The following RGS7 variants were observed in gnomAD, a reference collection of about 807,000 sequenced individuals.
RGS7 encodes regulator of G protein signaling 7, also known as regulator of G-protein signaling 7.
A neutral mutation model predicts 81.1 loss-of-function variants in RGS7; 27 were observed. The observed-to-expected ratio is 0.33, with a 90% CI of 0.25 to 0.46. The LOEUF is 0.46. RGS7 is among the 20% of genes least tolerant of loss of function. The probability of loss-of-function intolerance (pLI) is 1.00; values close to 1 mark genes in which losing one functional copy is unlikely to be tolerated. For missense variants in RGS7, 396 were observed against 607.4 expected, an observed-to-expected ratio of 0.65 and a Z score of 3.66; for synonymous variants, 208 against 207.7, an observed-to-expected ratio of 1.00 and a Z score of -0.01.
Position 241,217,811 on chromosome 1 carries a change from C to A in RGS7, c.79-119049G>T, listed in dbSNP as rs925600673. ...ATCAGGCCATTCAAGAGCATTTAAA[C>A]TTGGCACAAGAGGGTAGCACTGAAA... On this transcript the variant is annotated intron_variant, in intron 2 of 18. Transcript: ENST00000440928. Among the ~76,000 whole-genome samples, 3 of 152,234 alleles carry A rather than the reference C, an allele frequency of 2.0e-5. 1 individual carries two copies. In the South Asian group the frequency reaches 6.2e-4, roughly 31 times the overall value.
Position 241,245,256 on chromosome 1 carries a change from T to C in RGS7, c.78+110443A>G, listed in dbSNP as rs184214154. On this transcript the variant is annotated intron_variant, in intron 2 of 18. Coordinates refer to ENST00000440928, the MANE Select transcript of RGS7 (RefSeq NM_001364886.1). ...GAGGTGATTGGATCATGAGGATGCT[T>C]TCTTATGGTTTCGCACTATCCCCCT... Among the ~76,000 whole-genome samples the C allele has an allele frequency of 2.6e-4, 40 of 152,024 alleles. No homozygotes were observed. The East Asian group carries it at 6.6e-3, about 25-fold the overall frequency.
intron 9 of RGS7, among the ~76,000 whole-genome samples, chr1:240,839,802 C>G (rs182824667): frequency 6.6e-6 from 1 of 152,074 alleles, no homozygotes. Context: ...ATAAAGTGTC[C>G]AAGCCAGAAC....
At chr1:240,902,881 A>G (rs1288371736) in intron 6 of RGS7, among the ~76,000 whole-genome samples, 1 of 152,216 alleles carries the variant, frequency 6.6e-6, no homozygotes, top group East Asian at 1.9e-4. Context: ...AAGAATATGT[A>G]TATGTGTTTA....
At chr1:240,905,238 G>C (rs1413977955) in intron 6 of RGS7, among the ~76,000 whole-genome samples, 1 of 152,096 alleles carries the variant, frequency 6.6e-6, no homozygotes, top group East Asian at 1.9e-4. Context: ...CATGAATCCA[G>C]CAATAACTAA....
chr1:240,843,255 A>G (rs1031140814), intron 9 of RGS7, among the ~76,000 whole-genome samples: 3 of 152,052 alleles, frequency 2.0e-5, no homozygotes, highest in Non-Finnish European at 2.9e-5. Context: ...GTAAGGACAA[A>G]TATCTTTTTT....
At chr1:241,155,153 T>C (rs2069024523) in intron 2 of RGS7, among the ~76,000 whole-genome samples, 1 of 152,228 alleles carries the variant, frequency 6.6e-6, no homozygotes, top group South Asian at 2.1e-4. Context: ...AGGGTCTCAC[T>C]GTCTTGCCTA....
chr1:241,131,530 G>C (rs1402609054), intron 2 of RGS7, among the ~76,000 whole-genome samples: 1 of 152,138 alleles, frequency 6.6e-6, no homozygotes, highest in Non-Finnish European at 1.5e-5. Flanking sequence ...ACTGTTTGTA[G>C]AAGACTGGTA....
intron 2 of RGS7, among the ~76,000 whole-genome samples, chr1:241,294,935 A>T (rs192850319): frequency 2.6e-4 from 40 of 152,346 alleles, no homozygotes; most frequent in Non-Finnish European, 5.0e-4. Context: ...GTGAGAGAAG[A>T]GAAATCACCT....
intron 3 of RGS7, among the ~76,000 whole-genome samples, chr1:241,054,349 C>T (rs537493665): frequency 1.8e-4 from 28 of 152,304 alleles, no homozygotes; most frequent in Non-Finnish European, 2.5e-4. Context: ...CAAACTCCTG[C>T]GTACCTCCTT....
At chr1:241,292,043 G>A (rs2079120445) in intron 2 of RGS7, among the ~76,000 whole-genome samples, 1 of 152,134 alleles carries the variant, frequency 6.6e-6, no homozygotes, top group Non-Finnish European at 1.5e-5. Context: ...GGCCTACACA[G>A]GGTCCAGATC....
chr1:240,902,414 T>C (rs1010642223), intron 6 of RGS7, among the ~76,000 whole-genome samples: 1 of 152,146 alleles, frequency 6.6e-6, no homozygotes, highest in Admixed American at 6.5e-5. Flanking sequence ...GTTATTTCTC[T>C]TTTTTTCTGG....
intron 2 of RGS7, among the ~76,000 whole-genome samples, chr1:241,280,808 G>A (rs1352225220): frequency 1.3e-5 from 2 of 152,212 alleles, no homozygotes; most frequent in African/African-American, 2.4e-5. Flanking sequence ...CCTGGCATGT[G>A]TGCAAGACTT....
chr1:240,985,052 G>A (rs1201724163), intron 3 of RGS7, among the ~76,000 whole-genome samples: 2 of 152,208 alleles, frequency 1.3e-5, no homozygotes, highest in African/African-American at 2.4e-5. Flanking sequence ...AAATGGAAAG[G>A]AGATCATTCT....
chr1:240,891,406 G>A lies in RGS7; in HGVS notation c.386-21287C>T, dbSNP rs138183670. Among the ~76,000 whole-genome samples the A allele has an allele frequency of 1.2e-3, 188 of 152,134 alleles. 1 individual carries two copies. Among genetic ancestry groups the A allele is most frequent in the African/African-American group, 3.8e-3 (158 of 41,506 alleles). Reference sequence around the variant, plus strand: ...GAAATAAACTAGAATTTGGCCTCACGACCTTGGCCATAACTTTCTTTTTTA... The same window carrying A: ...GAAATAAACTAGAATTTGGCCTCACAACCTTGGCCATAACTTTCTTTTTTA... On this transcript the variant is annotated intron_variant, in intron 6 of 18. Coordinates refer to ENST00000440928, the MANE Select transcript of RGS7 (RefSeq NM_001364886.1).
intron 2 of RGS7, among the ~76,000 whole-genome samples, chr1:241,116,806 T>G (rs1032102299): frequency 1.3e-5 from 2 of 152,190 alleles, no homozygotes; most frequent in African/African-American, 4.8e-5. Context: ...AGTATCCTCC[T>G]TCCAGCTATT....
intron 2 of RGS7, among the ~76,000 whole-genome samples, chr1:241,288,208 T>C (rs2078920694): frequency 6.6e-6 from 1 of 152,262 alleles, no homozygotes. Context: ...GGCCAAGAAC[T>C]TGATGTTTCA....
intron 6 of RGS7, among the ~76,000 whole-genome samples, chr1:240,930,051 C>G (rs1481849777): frequency 6.6e-6 from 1 of 152,084 alleles, no homozygotes; most frequent in Admixed American, 6.5e-5. Flanking sequence ...CATTTAAAAA[C>G]CATGCAATCT....
chr1:240,827,818 C>G (rs567707116), intron 9 of RGS7, among the ~76,000 whole-genome samples: 91 of 133,678 alleles, frequency 6.8e-4, no homozygotes, highest in Non-Finnish European at 1.0e-3. Flanking sequence ...GAGTCAAGAT[C>G]ACACCATTGC....
At chr1:241,249,138 A>AT (rs1253609484) in intron 2 of RGS7, among the ~76,000 whole-genome samples, 5 of 151,774 alleles carry the variant, frequency 3.3e-5, no homozygotes, top group Admixed American at 6.6e-5. Context: ...TAACTTATTG[A>AT]TTTTTTTTGG....
Sources: gnomAD v4.1 joint callset for allele counts (sites outside exome capture counted in the v4.1 genomes callset) on GRCh38, gnomAD v4.1.1 for gene constraint, MANE v1.5 for transcripts, NCBI Gene and HGNC (gene_info 2026-07-23, HGNC 2026-07-21) for gene names.